The following ARHGAP15 variants were observed in gnomAD, a reference collection of about 807,000 sequenced individuals.
The protein encoded by ARHGAP15 is rho GTPase-activating protein 15.
ARHGAP15 carries 51 observed loss-of-function variants against 63.7 expected under a neutral mutation model. That is an observed-to-expected ratio of 0.80 (90% CI 0.64 to 1.01). The LOEUF (loss-of-function observed/expected upper bound fraction) is 1.01, where lower values mean the gene tolerates loss of function less well. ARHGAP15 is among the 50% of genes least tolerant of loss of function. The probability of loss-of-function intolerance (pLI) is 0.00; values close to 1 mark genes in which losing one functional copy is unlikely to be tolerated. For missense variants in ARHGAP15, 560 were observed against 564.6 expected, an observed-to-expected ratio of 0.99 and a Z score of 0.08; for synonymous variants, 191 against 193.8, an observed-to-expected ratio of 0.99 and a Z score of 0.12.
intron 6 of ARHGAP15, among the ~76,000 whole-genome samples, chr2:143,423,871 C>T (rs772212464): frequency 1.3e-5 from 2 of 151,956 alleles, no homozygotes; most frequent in Non-Finnish European, 2.9e-5. Flanking sequence ...AATATAGAAA[C>T]ACAAAAATTT....
At chr2:143,756,242 C>T (rs190169837) in intron 13 of ARHGAP15, among the ~76,000 whole-genome samples, 7 of 152,248 alleles carry the variant, frequency 4.6e-5, no homozygotes, top group Admixed American at 1.3e-4. Flanking sequence ...GTTTATCTAA[C>T]GTCACAAGGC....
intron 12 of ARHGAP15, among the ~76,000 whole-genome samples, chr2:143,667,537 A>G (rs1402132619): frequency 1.3e-5 from 2 of 151,048 alleles, no homozygotes; most frequent in Non-Finnish European, 2.9e-5. Flanking sequence ...AACCTGAACA[A>G]TGTGCACATG....
intron 1 of ARHGAP15, among the ~76,000 whole-genome samples, chr2:143,134,632 CTTTTTTT>C (rs139259059): frequency 4.2e-5 from 5 of 119,422 alleles, no homozygotes; most frequent in Admixed American, 8.6e-5. Flanking sequence ...TATTCCTTTT[CTTTTTTT>C]TTTTTTTTTT....
intron 3 of ARHGAP15, among the ~76,000 whole-genome samples, chr2:143,206,452 A>G (rs1692333294): frequency 6.6e-6 from 1 of 152,166 alleles, no homozygotes. Context: ...ATATACTAAT[A>G]TATTGTTTTC....
chr2:143,673,594 G>A (rs1303394654), intron 12 of ARHGAP15, among the ~76,000 whole-genome samples: 11 of 150,422 alleles, frequency 7.3e-5, no homozygotes, highest in Admixed American at 2.0e-4. Context: ...CACCACACCC[G>A]GCCTACCACA....
chr2:143,211,325 G>T (rs1021309418), intron 3 of ARHGAP15, among the ~76,000 whole-genome samples: 1 of 136,626 alleles, frequency 7.3e-6, no homozygotes, highest in Admixed American at 7.6e-5. Flanking sequence ...TCTATGAATA[G>T]TGGAGAAGTA....
chr2:143,742,723 T>C (rs1327844222), intron 13 of ARHGAP15, among the ~76,000 whole-genome samples: 2 of 152,192 alleles, frequency 1.3e-5, no homozygotes, highest in Non-Finnish European at 2.9e-5. Flanking sequence ...TTTATTCCCC[T>C]CACAGTCCAG....
intron 11 of ARHGAP15, among the ~76,000 whole-genome samples, chr2:143,594,946 A>G (rs144643350): frequency 1.4e-4 from 22 of 152,220 alleles, no homozygotes; most frequent in African/African-American, 5.1e-4. Context: ...CCCTGCTTAC[A>G]TTGTTCAGTT....
chr2:143,527,741 T>C (rs1220801294), intron 10 of ARHGAP15, among the ~76,000 whole-genome samples: 1 of 152,110 alleles, frequency 6.6e-6, no homozygotes, highest in African/African-American at 2.4e-5. Context: ...ACTTCTCATA[T>C]GGTACCTAAC....
At chr2:143,515,840 T>G (rs1448804297) in intron 9 of ARHGAP15, among the ~76,000 whole-genome samples, 1 of 152,230 alleles carries the variant, frequency 6.6e-6, no homozygotes, top group East Asian at 1.9e-4. Context: ...TTAAGATGCT[T>G]TATAACATAA....
intron 1 of ARHGAP15, among the ~76,000 whole-genome samples, chr2:143,147,916 C>T (rs1689653186): frequency 6.6e-6 from 1 of 151,936 alleles, no homozygotes; most frequent in Non-Finnish European, 1.5e-5. Context: ...TATTTTGTGG[C>T]CTCAGGGGTC....
At chr2:143,458,903 C>G (rs1196172627) in intron 8 of ARHGAP15, among the ~76,000 whole-genome samples, 3 of 152,098 alleles carry the variant, frequency 2.0e-5, no homozygotes, top group Non-Finnish European at 4.4e-5. Flanking sequence ...CTTAGGGTCA[C>G]CTGACCTCTT....
At chr2:143,415,689 G>A (rs762607417) in intron 6 of ARHGAP15, among the ~76,000 whole-genome samples, 2 of 152,130 alleles carry the variant, frequency 1.3e-5, no homozygotes, top group Non-Finnish European at 2.9e-5. Context: ...AGTTATAGCA[G>A]CACAATTTGT....
At chr2:143,344,486 T>G (rs548261386) in intron 6 of ARHGAP15, among the ~76,000 whole-genome samples, 1 of 152,248 alleles carries the variant, frequency 6.6e-6, no homozygotes, top group East Asian at 1.9e-4. Context: ...TGAGCTAATT[T>G]TCTTCAATTA....
intron 6 of ARHGAP15, among the ~76,000 whole-genome samples, chr2:143,313,493 C>T (rs1045897042): frequency 6.6e-6 from 1 of 152,078 alleles, no homozygotes; most frequent in Admixed American, 6.6e-5. Context: ...AGACAACTTC[C>T]TTTAACACTA....
chr2:143,258,723 A>C lies in ARHGAP15; in HGVS notation c.474+8123A>C, dbSNP rs1312226074. Among the ~76,000 whole-genome samples, 3 of 152,274 alleles carry C rather than the reference A, an allele frequency of 2.0e-5. No individual in the cohort carries two copies. The East Asian group carries it at 5.8e-4, about 29-fold the overall frequency. ...AGGAAGCTGTTTGAACTCTTTTCAG[A>C]TAACACTGATGGGTATGAGATGGCT... On this transcript the variant is annotated intron_variant, in intron 6 of 13. Coordinates refer to ENST00000295095, the MANE Select transcript of ARHGAP15 (RefSeq NM_018460.4).
At chr2:143,485,444 C>T (rs978785070) in intron 8 of ARHGAP15, among the ~76,000 whole-genome samples, 1 of 152,132 alleles carries the variant, frequency 6.6e-6, no homozygotes, top group Non-Finnish European at 1.5e-5. Context: ...TATATACATA[C>T]ACACATATGC....
At chr2:143,183,043 C>A (rs182634567) in intron 2 of ARHGAP15, among the ~76,000 whole-genome samples, 14 of 152,278 alleles carry the variant, frequency 9.2e-5, no homozygotes, top group Admixed American at 6.5e-4. Context: ...GGAAGGGCTA[C>A]AAGAATGCTT....
intron 10 of ARHGAP15, among the ~76,000 whole-genome samples, chr2:143,532,384 T>C (rs1175934473): frequency 3.3e-5 from 5 of 152,222 alleles, no homozygotes; most frequent in Non-Finnish European, 5.9e-5. Flanking sequence ...TCCTCACATA[T>C]AATGTTCATC....
Sources: allele counts gnomAD v4.1 joint callset (sites outside exome capture counted in the v4.1 genomes callset), GRCh38; gene constraint gnomAD v4.1.1; transcripts MANE v1.5; gene names NCBI Gene and HGNC (gene_info 2026-07-23, HGNC 2026-07-21).